ANKS4B: variants seen among roughly 807,000 people sequenced by gnomAD.
ANKS4B encodes the protein ankyrin repeat and sterile alpha motif domain containing 4B, also known as ankyrin repeat and SAM domain-containing protein 4B.
In ANKS4B, 21 loss-of-function variants were observed where a neutral mutation model predicts 20.2. The ratio of observed to expected loss-of-function variants is 1.04; its 90% CI spans 0.74 to 1.50. The LOEUF (loss-of-function observed/expected upper bound fraction) is 1.50. Ranked by LOEUF, ANKS4B falls within the 40% of genes most tolerant of loss-of-function variation. The pLI is 0.00. For missense variants in ANKS4B, 473 were observed against 494.6 expected, an observed-to-expected ratio of 0.96 and a Z score of 0.41; for synonymous variants, 179 against 194.5, an observed-to-expected ratio of 0.92 and a Z score of 0.66.
At position 21,251,067 on chromosome 16, in the gene ANKS4B, T is replaced by C. The variant is rs2093338894; in HGVS notation, c.*247T>C. ...GGCATTTCTCTTCAGTTATCTTATATGTACATATAATTGTTTTTGTGGTTG... is the reference window on the plus strand; with the variant it reads ...GGCATTTCTCTTCAGTTATCTTATACGTACATATAATTGTTTTTGTGGTTG... On this transcript the variant is annotated 3_prime_UTR_variant, in exon 2 of 2. Transcript: ENST00000311620. The C allele has an allele frequency of 2.2e-6, 1 of 458,862 alleles. No individual in the cohort carries two copies. The highest frequency in any genetic ancestry group is 3.6e-5 in the Admixed American group (1 of 27,524). The allele number at this position is 458,862 out of a possible 1,614,324, so 28.4% of individuals were successfully genotyped here.
intron 1 of ANKS4B, among the ~76,000 whole-genome samples, chr16:21,235,892 GTCATC>G (rs1456571091): frequency 6.6e-6 from 1 of 152,124 alleles, no homozygotes; most frequent in Non-Finnish European, 1.5e-5. Flanking sequence ...GCCTTCTCCA[GTCATC>G]TCATCTCTTC....
intron 1 of ANKS4B, among the ~76,000 whole-genome samples, chr16:21,244,408 T>G (rs949230481): frequency 3.3e-5 from 5 of 152,178 alleles, no homozygotes; most frequent in Non-Finnish European, 5.9e-5. Flanking sequence ...TCTGCACATG[T>G]ATCCCAGAAC....
At position 21,251,418 on chromosome 16, in the gene ANKS4B, A is replaced by G. The variant is rs2093339351; in HGVS notation, c.*598A>G. On this transcript the variant is annotated 3_prime_UTR_variant, in exon 2 of 2. Coordinates refer to ENST00000311620, the MANE Select transcript of ANKS4B (RefSeq NM_145865.3). ...ACCGTACCCAGCCTATCTTTTTGAT[A>G]CTTTTGAATAAAGAAAGGGTCATAT... The G allele has an allele frequency of 1.3e-5, 2 of 152,256 alleles. No individual in the cohort carries two copies. The highest frequency in any genetic ancestry group is 4.8e-5 in the African/African-American group (2 of 41,444). The allele number at this position is 152,256 out of a possible 1,614,324, so 9.4% of individuals were successfully genotyped here. A position where few individuals can be genotyped will look rare whatever the true frequency, so the allele number is the denominator to read the frequency against.
intron 1 of ANKS4B, among the ~76,000 whole-genome samples, 154 bp from the exon 2 acceptor site, chr16:21,249,577 G>C (rs2093336168): frequency 6.6e-6 from 1 of 152,194 alleles, no homozygotes; most frequent in Non-Finnish European, 1.5e-5. Context: ...AAGACAGTTG[G>C]ACTTGCAGCC....
rs1412246484 is a variant in ANKS4B, at chr16:21,250,085, C to G, written c.519C>G (p.Leu173=). 2 of 1,614,222 alleles carry G rather than the reference C, an allele frequency of 1.2e-6. No individual in the cohort carries two copies. Among genetic ancestry groups the G allele is most frequent in the Admixed American group, 3.3e-5 (2 of 60,026 alleles). ...ACAGCAAGGAGGAATCCGGGACTCT[C>G]TCTTCTTCCAAGGGTACCTTCTCCA... ...HTYSKEESGT[L]SSSKGTFSRS... is the part of the protein sequence containing the mutation. Residue 173 remains leucine (L), a synonymous_variant, in exon 2 of 2, where the codon CTC becomes CTG. Coordinates refer to ENST00000311620, the MANE Select transcript of ANKS4B (RefSeq NM_145865.3).
chr16:21,243,390 A>G (rs2093328610), intron 1 of ANKS4B, among the ~76,000 whole-genome samples: 1 of 152,212 alleles, frequency 6.6e-6, no homozygotes, highest in Non-Finnish European at 1.5e-5. Flanking sequence ...AGATTATCAA[A>G]CGACAGGACT....
chr16:21,238,394 A>C (rs2093322752), intron 1 of ANKS4B, among the ~76,000 whole-genome samples: 1 of 152,160 alleles, frequency 6.6e-6, no homozygotes, highest in African/African-American at 2.4e-5. Context: ...TAACAATATC[A>C]ACTCTTTGTC....
chr16:21,234,037 AAG>A (rs140910545), intron 1 of ANKS4B, 136 bp downstream of exon 1: 13,338 of 921,600 alleles, frequency 0.014, 120 homozygotes, highest in Middle Eastern at 0.042. Context: ...TTTTTAGAGA[AAG>A]AGAGAAAACT....
At chr16:21,241,603 G>C (rs968231290) in intron 1 of ANKS4B, among the ~76,000 whole-genome samples, 4 of 151,924 alleles carry the variant, frequency 2.6e-5, no homozygotes, top group Non-Finnish European at 5.9e-5. Context: ...GTAGAGATGA[G>C]GTTTCACCAT....
intron 1 of ANKS4B, among the ~76,000 whole-genome samples, chr16:21,249,529 C>G (rs1392217935): frequency 6.6e-6 from 1 of 152,134 alleles, no homozygotes; most frequent in Non-Finnish European, 1.5e-5. Flanking sequence ...GAGATGGGCT[C>G]TGTTTCTGGC....
chr16:21,240,062 C>T (rs943734446), intron 1 of ANKS4B, among the ~76,000 whole-genome samples: 1 of 152,138 alleles, frequency 6.6e-6, no homozygotes, highest in Non-Finnish European at 1.5e-5. Flanking sequence ...CTGTCATTAC[C>T]TGATAGACAA....
At chr16:21,247,585 C>T (rs546882709) in intron 1 of ANKS4B, among the ~76,000 whole-genome samples, 23 of 152,316 alleles carry the variant, frequency 1.5e-4, no homozygotes, top group Admixed American at 1.1e-3. Context: ...TAGTGAGATC[C>T]TGATTTTGGA....
At chr16:21,236,811 G>GCTACTATAATGT (rs2093320763) in intron 1 of ANKS4B, among the ~76,000 whole-genome samples, 1 of 152,066 alleles carries the variant, frequency 6.6e-6, no homozygotes, top group African/African-American at 2.4e-5. Context: ...GTCCTATAAT[G>GCTACTATAATGT]CCATGCTACT....
chr16:21,242,646 T>C (rs2093327849), intron 1 of ANKS4B, among the ~76,000 whole-genome samples: 1 of 152,262 alleles, frequency 6.6e-6, no homozygotes, highest in Admixed American at 6.5e-5. Context: ...TATTCCATTG[T>C]GTGGAGCCAC....
rs2093339700 is a variant in ANKS4B, at chr16:21,251,700, T to C, written c.*880T>C. ...CATGTTTACAAGTAATGGAAATGCG[T>C]CTATAATACTCCTGCCTGAGAATAG... On this transcript the variant is annotated 3_prime_UTR_variant, in exon 2 of 2. Transcript: ENST00000311620. 6.6e-6 allele frequency: 1 copy of C among 152,164 alleles called. No individual in the cohort carries two copies. Among genetic ancestry groups the C allele is most frequent in the South Asian group, 2.1e-4 (1 of 4,828 alleles). 9.4% of individuals were successfully genotyped at this position (152,164 alleles called of 1,614,324 possible). A position where few individuals can be genotyped will look rare whatever the true frequency, so the allele number is the denominator to read the frequency against.
rs1206762535 is a variant in ANKS4B, at chr16:21,250,704, G to A, written c.1138G>A (p.Glu380Lys). The change falls in exon 2 of 2, where the codon GAG becomes AAG. Residue 380 changes from glutamate to lysine, a missense_variant. Physicochemically the swap from Glu to Lys is moderately conservative, Grantham distance 56. Coordinates refer to ENST00000311620, the MANE Select transcript of ANKS4B (RefSeq NM_145865.3). ...AGAAGCTCTGCTGCTCTGCTCTGAT[G>A]AGGACCTTCAGAGCATACAAATGCA... ...DLEALLLCSD[E>K]DLQSIQMQLG... 1.2e-5 allele frequency: 20 copies of A among 1,612,962 alleles called. No individual in the cohort carries two copies. The highest frequency in any genetic ancestry group is 1.7e-5 in the Non-Finnish European group (20 of 1,179,052).
chr16:21,246,351 A>G (rs1243360838), intron 1 of ANKS4B, among the ~76,000 whole-genome samples: 1 of 152,230 alleles, frequency 6.6e-6, no homozygotes, highest in Non-Finnish European at 1.5e-5. Flanking sequence ...TAAATAAGGA[A>G]GAGGAACAGG....
intron 1 of ANKS4B, among the ~76,000 whole-genome samples, chr16:21,239,631 G>A (rs2093324075): frequency 6.6e-6 from 1 of 152,110 alleles, no homozygotes; most frequent in Non-Finnish European, 1.5e-5. Flanking sequence ...TTGCAGCACT[G>A]TCACAATAGC....
At chr16:21,238,077 C>T (rs1054604339) in intron 1 of ANKS4B, among the ~76,000 whole-genome samples, 3 of 152,094 alleles carry the variant, frequency 2.0e-5, no homozygotes, top group Non-Finnish European at 2.9e-5. Context: ...ACAAATTGCT[C>T]CTGAATCCCT....
Sources: gnomAD v4.1 joint callset for allele counts (sites outside exome capture counted in the v4.1 genomes callset) on GRCh38, gnomAD v4.1.1 for gene constraint, MANE v1.5 for transcripts, NCBI Gene and HGNC (gene_info 2026-07-23, HGNC 2026-07-21) for gene names.